MAB21L3: variants seen among roughly 807,000 people sequenced by gnomAD.
The protein encoded by MAB21L3 is mab-21 like 3.
MAB21L3 carries 36 observed loss-of-function variants against 37.7 expected under a neutral mutation model. The ratio of observed to expected loss-of-function variants is 0.96; its 90% CI spans 0.73 to 1.26. The LOEUF (loss-of-function observed/expected upper bound fraction) is 1.26. Ranked by LOEUF, MAB21L3 falls within the 50% of genes most tolerant of loss-of-function variation. The probability of loss-of-function intolerance (pLI) is 0.00; values close to 1 mark genes in which losing one functional copy is unlikely to be tolerated. For synonymous variants in MAB21L3, 186 were observed against 176.8 expected (o/e 1.05, Z -0.41); for missense variants, 430 against 447.3 (o/e 0.96, Z 0.35).
At position 116,112,508 on chromosome 1, in the gene MAB21L3, A is replaced by T. The variant is rs904156507; in HGVS notation, c.-108A>T. The stretch of plus-strand genomic sequence containing the variant: ...ACACTTCCAGAAAAACTTAGTACCC[A>T]GAGACTCACATTACTGGGAGTGCTA... On this transcript the variant is annotated 5_prime_UTR_variant, in exon 3 of 8. Coordinates refer to ENST00000369500, the MANE Select transcript of MAB21L3 (RefSeq NM_152367.3). 1 of 973,666 alleles carries T rather than the reference A, an allele frequency of 1.0e-6. No homozygotes were observed. The highest frequency in any genetic ancestry group is 1.6e-5 in the African/African-American group (1 of 61,684). 60.3% of individuals were successfully genotyped at this position (973,666 alleles called of 1,614,324 possible). A position where few individuals can be genotyped will look rare whatever the true frequency, so the allele number is the denominator to read the frequency against.
At position 116,133,163 on chromosome 1, in the gene MAB21L3, C is replaced by A. The variant is rs1365081341; in HGVS notation, c.887C>A (p.Pro296His). The change falls in exon 8 of 8, where the codon CCC becomes CAC. Residue 296 changes from proline to histidine, a missense_variant. Physicochemically the swap from Pro to His is moderately conservative, Grantham distance 77. Transcript: ENST00000369500. ...CTCTTTTGGACCTGCGAGAAATATC[C>A]CCACTTTAAAGACTGGCAGGTCTTC... ...TVLFWTCEKY[P>H]HFKDWQVFSK... 6.2e-7 allele frequency: 1 copy of A among 1,614,208 alleles called. No individual in the cohort carries two copies. The highest frequency in any genetic ancestry group is 2.2e-5 in the East Asian group (1 of 44,888).
intron 5 of MAB21L3, among the ~76,000 whole-genome samples, chr1:116,127,070 A>G (rs1222253904): frequency 6.6e-6 from 1 of 152,198 alleles, no homozygotes; most frequent in East Asian, 1.9e-4. Flanking sequence ...CTTCATCAGG[A>G]TGTGACCTCA....
At chr1:116,118,084 C>T (rs1225974436) in intron 3 of MAB21L3, among the ~76,000 whole-genome samples, 1 of 152,068 alleles carries the variant, frequency 6.6e-6, no homozygotes, top group Non-Finnish European at 1.5e-5. Flanking sequence ...TGGTTTTCCC[C>T]ATGGTAAAAG....
chr1:116,130,933 C>G (rs1015972354), intron 7 of MAB21L3, among the ~76,000 whole-genome samples: 1 of 152,122 alleles, frequency 6.6e-6, no homozygotes, highest in Non-Finnish European at 1.5e-5. Flanking sequence ...ATAACGTAAT[C>G]TAAATACATA....
Position 116,126,051 on chromosome 1 carries a change from G to A in MAB21L3, c.482-1415G>A, listed in dbSNP as rs145790939. Reference sequence around the variant, plus strand: ...GTTCCTGTCTGGGCAGCTCTGATGAGATGCAGACAAGCCCTTTATCCCACC... The same window carrying A: ...GTTCCTGTCTGGGCAGCTCTGATGAAATGCAGACAAGCCCTTTATCCCACC... On this transcript the variant is annotated intron_variant, in intron 5 of 7. Coordinates refer to ENST00000369500, the MANE Select transcript of MAB21L3 (RefSeq NM_152367.3). Among the ~76,000 whole-genome samples, 165 of 152,346 alleles carry A rather than the reference G, an allele frequency of 1.1e-3. 1 individual carries two copies. Among genetic ancestry groups the A allele is most frequent in the Admixed American group, 2.0e-3 (30 of 15,310 alleles).
At position 116,135,147 on chromosome 1, in the gene MAB21L3, T is replaced by G. The variant is rs1057288164; in HGVS notation, c.*1782T>G. ...AAAATCAGAGCAGAACTGAAGGAAA[T>G]AGAGACACAAAAAACCCTTCAAAAA... On this transcript the variant is annotated 3_prime_UTR_variant, in exon 8 of 8. Coordinates refer to ENST00000369500, the MANE Select transcript of MAB21L3 (RefSeq NM_152367.3). The G allele has an allele frequency of 6.6e-6, 1 of 151,316 alleles. No individual in the cohort carries two copies. Among genetic ancestry groups the G allele is most frequent in the African/African-American group, 2.4e-5 (1 of 41,050 alleles). The allele number at this position is 151,316 out of a possible 1,614,324, so 9.4% of individuals were successfully genotyped here.
chr1:116,113,074 A>T (rs1016732034), intron 3 of MAB21L3, among the ~76,000 whole-genome samples: 4 of 152,246 alleles, frequency 2.6e-5, no homozygotes, highest in African/African-American at 9.6e-5. Flanking sequence ...AAAGACTGTG[A>T]AAGTACTAGG....
intron 5 of MAB21L3, 27 bp from the exon 6 acceptor site, chr1:116,127,439 C>T (rs1028526312): frequency 2.5e-6 from 4 of 1,605,474 alleles, no homozygotes; most frequent in Admixed American, 1.7e-5. Context: ...TTCTCTTCTC[C>T]TTATCCATTT....
At chr1:116,129,277 G>T (rs892188138) in intron 7 of MAB21L3, among the ~76,000 whole-genome samples, 1 of 152,192 alleles carries the variant, frequency 6.6e-6, no homozygotes, top group Non-Finnish European at 1.5e-5. Flanking sequence ...CCACCCTCCC[G>T]ACTCCCTCTT....
intron 3 of MAB21L3, among the ~76,000 whole-genome samples, chr1:116,118,059 G>T (rs1021445787): frequency 6.6e-6 from 1 of 151,980 alleles, no homozygotes; most frequent in Non-Finnish European, 1.5e-5. Context: ...AAAACTGTTC[G>T]CATCCCTGTT....
intron 7 of MAB21L3, among the ~76,000 whole-genome samples, chr1:116,129,230 G>T (rs1389823414): frequency 8.3e-6 from 1 of 120,286 alleles, no homozygotes; most frequent in Admixed American, 7.2e-5. Context: ...ACCTGGACTG[G>T]GCAGTCAGGG....
chr1:116,121,073 G>A lies in MAB21L3; in HGVS notation c.189+1G>A. ...TGACACGTACAATGAAAATATTAAG[G>A]TAAGCAAGTCTTGCTGTCTCTAAGT... On this transcript the variant is annotated splice_donor_variant, in intron 4 of 7. Coordinates refer to ENST00000369500, the MANE Select transcript of MAB21L3 (RefSeq NM_152367.3). LOFTEE classifies it high-confidence loss of function. 6.2e-7 allele frequency: 1 copy of A among 1,612,518 alleles called. No homozygotes were observed. The highest frequency in any genetic ancestry group is 8.5e-7 in the Non-Finnish European group (1 of 1,179,214).
rs991556567 is a variant in MAB21L3 at position 116,126,892 on chromosome 1, T to A, written c.482-574T>A. On this transcript the variant is annotated intron_variant, in intron 5 of 7. Coordinates refer to ENST00000369500, the MANE Select transcript of MAB21L3 (RefSeq NM_152367.3). ...GTACCCATACAACCATTCAATGAAT[T>A]CCATGAGATATTCAACACTTTATTA... is the stretch of plus-strand genomic sequence containing the variant. 2.5e-4 allele frequency among the ~76,000 whole-genome samples: 38 copies of A among 152,170 alleles called. 1 individual carries two copies. Among genetic ancestry groups the A allele is most frequent in the Non-Finnish European group, 1.0e-4 (7 of 68,030 alleles).
At chr1:116,128,882 A>G (rs1220545877) in intron 7 of MAB21L3, among the ~76,000 whole-genome samples, 1 of 152,156 alleles carries the variant, frequency 6.6e-6, no homozygotes, top group Non-Finnish European at 1.5e-5. Context: ...GGTCCAAATC[A>G]CCAGGCAAGG....
intron 6 of MAB21L3, 31 bp from the exon 7 acceptor site, chr1:116,128,114 T>C: frequency 1.3e-6 from 2 of 1,593,860 alleles, no homozygotes; most frequent in Non-Finnish European, 1.7e-6. Context: ...ATTGTTCTTC[T>C]TATTTCCCAA....
intron 6 of MAB21L3, 134 bp from the exon 7 acceptor site, chr1:116,128,011 C>A: frequency 1.1e-6 from 1 of 933,394 alleles, no homozygotes; most frequent in Non-Finnish European, 1.6e-6. Context: ...CTGGCACCCC[C>A]TTCTCATCCC....
chr1:116,127,880 T>C (rs928793480), intron 6 of MAB21L3, among the ~76,000 whole-genome samples: 1 of 152,150 alleles, frequency 6.6e-6, no homozygotes, highest in South Asian at 2.1e-4. Flanking sequence ...CAGCAATCTG[T>C]GTTTTAAGAA....
chr1:116,132,925 G>A (rs1660112659), intron 7 of MAB21L3, among the ~76,000 whole-genome samples: 1 of 152,044 alleles, frequency 6.6e-6, no homozygotes, highest in South Asian at 2.1e-4. Flanking sequence ...GGAGAGTGAG[G>A]GAATAGATTA....
rs1660171411 is a variant in MAB21L3, at chr1:116,135,006, A to G, written c.*1641A>G. 1 of 152,234 alleles carries G rather than the reference A, an allele frequency of 6.6e-6. No individual in the cohort carries two copies. Among genetic ancestry groups the G allele is most frequent in the South Asian group, 2.1e-4 (1 of 4,834 alleles). 9.4% of individuals were successfully genotyped at this position (152,234 alleles called of 1,614,324 possible). The stretch of plus-strand genomic sequence containing the variant: ...TTGAAAATGAAAATGATTACTTTTC[A>G]AAAGTACTGTAAACGGCAGGAAAGA... On this transcript the variant is annotated 3_prime_UTR_variant, in exon 8 of 8. Coordinates refer to ENST00000369500, the MANE Select transcript of MAB21L3 (RefSeq NM_152367.3).
Sources: allele counts gnomAD v4.1 joint callset (sites outside exome capture counted in the v4.1 genomes callset), GRCh38; gene constraint gnomAD v4.1.1; transcripts MANE v1.5; gene names NCBI Gene and HGNC (gene_info 2026-07-23, HGNC 2026-07-21).